Variants in KRT15 observed in about 807,000 individuals in gnomAD.
KRT15 encodes the protein keratin, type I cytoskeletal 15.
A neutral mutation model predicts 46.6 loss-of-function variants in KRT15; 45 were observed. That is an observed-to-expected ratio of 0.97 (90% CI 0.76 to 1.24). The LOEUF is 1.24. KRT15 is among the 50% of genes most tolerant of loss of function. The probability of loss-of-function intolerance (pLI) is 0.00; values close to 1 mark genes in which losing one functional copy is unlikely to be tolerated. For missense variants in KRT15, 592 were observed against 588.9 expected (o/e 1.01, Z -0.05); for synonymous variants, 221 against 233.8 (o/e 0.95, Z 0.50).
chr17:41,514,617 C>T (rs1905270466), intron 7 of KRT15, 32 bp downstream of exon 7: 5 of 1,608,894 alleles, frequency 3.1e-6, no homozygotes, highest in Non-Finnish European at 2.6e-6. Context: ...CTCCCCTCCC[C>T]ACCCCACACC....
At chr17:41,515,054 A>G in intron 6 of KRT15, 2 of 280,426 alleles carry the variant, frequency 7.1e-6, no homozygotes, top group Non-Finnish European at 1.4e-5. Context: ...TTTAGTAGAG[A>G]CGGGGTTTCA....
rs778748722 is a variant in KRT15 at position 41,515,652 on chromosome 17, C to T, written c.1067G>A (p.Arg356His). The T allele has an allele frequency of 3.7e-6, 6 of 1,614,016 alleles. No individual in the cohort carries two copies. The highest frequency in any genetic ancestry group is 1.3e-5 in the African/African-American group (1 of 74,906). Residue 356 changes from arginine to histidine, a missense_variant, in exon 6 of 8, where the codon CGC becomes CAC. By Grantham distance (29) the Arg-to-His change is conservative (BLOSUM62 0). Coordinates refer to ENST00000254043, the MANE Select transcript of KRT15 (RefSeq NM_002275.4). ...LENSLAETEC[R>H]YATQLQQIQG... ...GATCTGCTGCAGCTGCGTGGCATAG[C>T]GGCACTCTGTCTCGGCCAGTGAGTT...
At chr17:41,514,154 G>GGTTCCCCCACTCT in intron 7 of KRT15, 34 bp from the exon 8 acceptor site, 1 of 1,526,624 alleles carries the variant, frequency 6.6e-7, no homozygotes, top group Non-Finnish European at 9.1e-7. Flanking sequence ...TAGAGTGGGG[G>GGTTCCCCCACTCT]AACCTCCCCG....
At chr17:41,518,170 C>T (rs1905483428) in intron 1 of KRT15, among the ~76,000 whole-genome samples, 160 bp downstream of exon 1, 3 of 152,178 alleles carry the variant, frequency 2.0e-5, no homozygotes, top group Admixed American at 1.3e-4. Context: ...GGCCTCTGCA[C>T]CTGGACAGCA....
In KRT15 at chr17:41,513,966, C is replaced by T. The variant is rs913868900; in HGVS notation, c.*57G>A. ...ATGTGCAGGCCCTCTGGCCAGTCCT[C>T]CACTTGGCCTGATGAGAGTGGGGAG... is the stretch of plus-strand genomic sequence containing the variant. On this transcript the variant is annotated 3_prime_UTR_variant, in exon 8 of 8. Transcript: ENST00000254043. 26 of 1,302,040 alleles carry T rather than the reference C, an allele frequency of 2.0e-5. No individual in the cohort carries two copies. In the Admixed American group the frequency reaches 2.0e-4, roughly 10 times the overall value. The allele number at this position is 1,302,040 out of a possible 1,614,324, so 80.7% of individuals were successfully genotyped here. A position where few individuals can be genotyped will look rare whatever the true frequency, so the allele number is the denominator to read the frequency against.
rs1010432058 is a variant in KRT15, at chr17:41,516,016, G to A, written c.901-6C>T. ...TCTTTGTTCAGCTCCTCAGTCTGTA[G>A]GTCATGCACAACAGAAGTGAGCCCC... On this transcript the variant is annotated splice_region_variant and splice_polypyrimidine_tract_variant and intron_variant, in intron 4 of 7. Coordinates refer to ENST00000254043, the MANE Select transcript of KRT15 (RefSeq NM_002275.4). 6.2e-7 allele frequency: 1 copy of A among 1,614,064 alleles called. No homozygotes were observed. The highest frequency in any genetic ancestry group is 1.7e-5 in the Admixed American group (1 of 60,006).
chr17:41,514,000 G>T lies in KRT15; in HGVS notation c.*23C>A. 1 of 1,560,256 alleles carries T rather than the reference G, an allele frequency of 6.4e-7. No individual in the cohort carries two copies. The highest frequency in any genetic ancestry group is 8.8e-7 in the Non-Finnish European group (1 of 1,131,130). On this transcript the variant is annotated 3_prime_UTR_variant, in exon 8 of 8. Transcript: ENST00000254043. ...CTGATGAGAGTGGGGAGTGGCAAGG[G>T]ACGTTTCTCCTGCAATAGACACTTA... is the stretch of plus-strand genomic sequence containing the variant.
chr17:41,517,493 G>C (rs572719297), intron 1 of KRT15: 5 of 367,996 alleles, frequency 1.4e-5, no homozygotes, highest in South Asian at 1.3e-4. Flanking sequence ...AGCCAGCTCT[G>C]ACAATAGCTC....
chr17:41,516,116 C>T lies in KRT15; in HGVS notation c.888G>A (p.Trp296Ter). 6.2e-7 allele frequency: 1 copy of T among 1,614,158 alleles called. No individual in the cohort carries two copies. The highest frequency in any genetic ancestry group is 8.5e-7 in the Non-Finnish European group (1 of 1,180,034). ...ATATAAGGCCCACCTTGCTGAAGAACCAGGCCTCGACATCCCGGCGGTTCT... is the reference window on the plus strand; with the variant it reads ...ATATAAGGCCCACCTTGCTGAAGAATCAGGCCTCGACATCCCGGCGGTTCT... Reference protein sequence around the residue: ...AEKNRRDVEAWFFSKTEELNK... With the variant: ...AEKNRRDVEA The change falls in exon 4 of 8, where the codon TGG (tryptophan) becomes TGA (stop). Residue 296 changes from tryptophan to a stop codon, truncating the protein, a stop_gained. Coordinates refer to ENST00000254043, the MANE Select transcript of KRT15 (RefSeq NM_002275.4). LOFTEE classifies it high-confidence loss of function.
At chr17:41,516,572 T>TC (rs1905380072) in intron 3 of KRT15, among the ~76,000 whole-genome samples, 1 of 152,176 alleles carries the variant, frequency 6.6e-6, no homozygotes, top group Non-Finnish European at 1.5e-5. Context: ...CACTGCCCCT[T>TC]CCTCTCCATG....
intron 3 of KRT15, 80 bp downstream of exon 3, chr17:41,516,728 C>A: frequency 6.5e-7 from 1 of 1,547,760 alleles, no homozygotes; most frequent in Non-Finnish European, 8.9e-7. Flanking sequence ...ACTGTCTTTC[C>A]CTCTGGGCAA....
intron 6 of KRT15, 195 bp downstream of exon 6, chr17:41,515,277 C>CAG (rs927503248): frequency 1.7e-6 from 1 of 593,814 alleles, no homozygotes; most frequent in Non-Finnish European, 3.0e-6. Context: ...AACACGGATC[C>CAG]AGAGAGAGGA....
Position 41,516,218 on chromosome 17 carries a change from C to G in KRT15, c.786G>C (p.Glu262Asp), listed in dbSNP as rs1271325033. The part of the protein sequence containing the change: ...SSQLAGQVNV[E>D]MDAAPGVDLT... ...GGTCCACACCCGGTGCTGCGTCCAT[C>G]TCCACATTGACCTGGCCGGCCAGCT... Residue 262 changes from glutamate to aspartate, a missense_variant, in exon 4 of 8, where the codon GAG becomes GAC. By Grantham distance (45) the Glu-to-Asp change is conservative (BLOSUM62 2). Transcript: ENST00000254043. 6.2e-7 allele frequency: 1 copy of G among 1,614,050 alleles called. No individual in the cohort carries two copies. The highest frequency in any genetic ancestry group is 8.5e-7 in the Non-Finnish European group (1 of 1,180,048).
In KRT15 at chr17:41,516,028, C is replaced by T. The variant is rs760666891; in HGVS notation, c.901-18G>A. The T allele has an allele frequency of 1.9e-6, 3 of 1,614,050 alleles. No individual in the cohort carries two copies. The highest frequency in any genetic ancestry group is 1.7e-6 in the Non-Finnish European group (2 of 1,180,026). On this transcript the variant is annotated intron_variant, in intron 4 of 7. Coordinates refer to ENST00000254043, the MANE Select transcript of KRT15 (RefSeq NM_002275.4). ...TCCTCAGTCTGTAGGTCATGCACAA[C>T]AGAAGTGAGCCCCGGGGCCTCCTCG...
chr17:41,518,551 A>G lies in KRT15; in HGVS notation c.277T>C (p.Phe93Leu). The change falls in exon 1 of 8, where the codon TTT (phenylalanine) becomes CTT (leucine). Residue 93 changes from phenylalanine (F) to leucine (L), a missense_variant. Coordinates refer to ENST00000254043, the MANE Select transcript of KRT15 (RefSeq NM_002275.4). The part of the protein sequence containing the change: ...GGVGGGFGGG[F>L]GGGDGGLLSG... ...AGGAGACCACCATCGCCACCACCAA[A>G]GCCACCACCAAAACCCCCACCAACG... The G allele has an allele frequency of 6.2e-7, 1 of 1,613,906 alleles. No homozygotes were observed. Among genetic ancestry groups the G allele is most frequent in the East Asian group, 2.2e-5 (1 of 44,864 alleles).
chr17:41,518,872 T>C lies in KRT15; in HGVS notation c.-45A>G, dbSNP rs984122275. The stretch of plus-strand genomic sequence containing the variant: ...GTGAGTTCTCAGCAAACCCAAGAGA[T>C]GCTGGCAGGAGGTACCAGGCCAGGC... On this transcript the variant is annotated 5_prime_UTR_variant, in exon 1 of 8. Transcript: ENST00000254043. The C allele has an allele frequency of 3.3e-6, 5 of 1,518,386 alleles. No homozygotes were observed. The African/African-American group carries it at 5.6e-5, about 17-fold the overall frequency. 94.1% of individuals were successfully genotyped at this position (1,518,386 alleles called of 1,614,324 possible). A position where few individuals can be genotyped will look rare whatever the true frequency, so the allele number is the denominator to read the frequency against.
rs1905240522 is a variant in KRT15, at chr17:41,513,834, C to G, written c.*189G>C. The G allele has an allele frequency of 8.4e-6, 5 of 592,214 alleles. No individual in the cohort carries two copies. Among genetic ancestry groups the G allele is most frequent in the African/African-American group, 1.9e-5 (1 of 53,908 alleles). The allele number at this position is 592,214 out of a possible 1,614,324, so 36.7% of individuals were successfully genotyped here. ...ACAATACAGCTGCATCTCCTTGCTC[C>G]AAAGAAGGTGGGGAGAGGCAGAGGG... On this transcript the variant is annotated 3_prime_UTR_variant, in exon 8 of 8. Transcript: ENST00000254043.
Position 41,515,909 on chromosome 17 carries a change from G to T in KRT15, c.1002C>A (p.Ile334=), listed in dbSNP as rs949153676. 1.9e-6 allele frequency: 3 copies of T among 1,614,020 alleles called. 1 individual carries two copies. Among genetic ancestry groups the T allele is most frequent in the South Asian group, 2.2e-5 (2 of 91,090 alleles). ...CCATGCTGAGCTGGGACTGCAGCTC[G>T]ATCTCCAGCTCCTGCATCGTGCGTC... ...DLRRTMQELE[I]ELQSQLSMKA... The change falls in exon 5 of 8, where the codon ATC becomes ATA. Residue 334 remains isoleucine (I), a synonymous_variant. Transcript: ENST00000254043.
At chr17:41,516,738 A>G in intron 3 of KRT15, 70 bp downstream of exon 3, 1 of 1,578,808 alleles carries the variant, frequency 6.3e-7, no homozygotes, top group Non-Finnish European at 8.7e-7. Flanking sequence ...CCTCTGGGCA[A>G]TTTAAGTGAG....
Sources: allele counts gnomAD v4.1 joint callset (sites outside exome capture counted in the v4.1 genomes callset), GRCh38; gene constraint gnomAD v4.1.1; transcripts MANE v1.5; gene names NCBI Gene and HGNC (gene_info 2026-07-23, HGNC 2026-07-21).